Variants in RBFOX1 observed in about 807,000 individuals in gnomAD.
The protein encoded by RBFOX1 is RNA binding fox-1 homolog 1, also known as RNA binding protein fox-1 homolog 1.
In RBFOX1, 8 loss-of-function variants were observed where a neutral mutation model predicts 57.7. The ratio of observed to expected loss-of-function variants is 0.14; its 90% CI spans 0.08 to 0.25. The LOEUF (loss-of-function observed/expected upper bound fraction) is 0.25, where lower values mean the gene tolerates loss of function less well. Among genes scored for constraint, RBFOX1 ranks in the 10% least tolerant of loss-of-function variants. The pLI, the probability that RBFOX1 is intolerant of heterozygous loss-of-function variation, is 1.00. For missense variants in RBFOX1, 611 were observed against 548.5 expected (o/e 1.11, Z -1.14); for synonymous variants, 326 against 222.4 (o/e 1.47, Z -4.15).
chr16:7,167,246 A>G (rs2079758488), intron 4 of RBFOX1, among the ~76,000 whole-genome samples: 1 of 151,820 alleles, frequency 6.6e-6, no homozygotes, highest in Non-Finnish European at 1.5e-5. Context: ...TCTGCCTACC[A>G]AAGTGCTGGG....
intron 4 of RBFOX1, among the ~76,000 whole-genome samples, chr16:7,351,668 G>T (rs572063746): frequency 1.3e-5 from 2 of 151,594 alleles, no homozygotes; most frequent in South Asian, 2.1e-4. Context: ...TCTTTTTTTC[G>T]CTTCCTGGGT....
At chr16:7,348,628 A>G (rs1197124620) in intron 4 of RBFOX1, among the ~76,000 whole-genome samples, 1 of 152,202 alleles carries the variant, frequency 6.6e-6, no homozygotes, top group Non-Finnish European at 1.5e-5. Flanking sequence ...AAAGTAGCAA[A>G]ACAATCCTAT....
intron 2 of RBFOX1, among the ~76,000 whole-genome samples, chr16:6,589,622 G>T (rs1274415205): frequency 6.6e-6 from 1 of 152,208 alleles, no homozygotes; most frequent in Non-Finnish European, 1.5e-5. Context: ...AAATCTTGCA[G>T]CTCCTAGCTG....
At chr16:6,369,991 T>G (rs1454016839) in intron 2 of RBFOX1, among the ~76,000 whole-genome samples, 1 of 152,190 alleles carries the variant, frequency 6.6e-6, no homozygotes. Context: ...AGTTGTCAAG[T>G]CTCTTTAGTG....
intron 1 of RBFOX1, among the ~76,000 whole-genome samples, chr16:5,421,287 C>T (rs906498060): frequency 5.3e-5 from 8 of 152,020 alleles, no homozygotes; most frequent in Non-Finnish European, 1.2e-4. Context: ...GATTCCAGGC[C>T]TGAGCCACTG....
chr16:7,032,707 G>T (rs984491379), intron 3 of RBFOX1, among the ~76,000 whole-genome samples: 36 of 151,896 alleles, frequency 2.4e-4, no homozygotes, highest in African/African-American at 7.0e-4. Flanking sequence ...TCATTTTCAG[G>T]TAGTTTTATC....
At chr16:6,887,260 C>G (rs2064274674) in intron 3 of RBFOX1, among the ~76,000 whole-genome samples, 1 of 152,130 alleles carries the variant, frequency 6.6e-6, no homozygotes, top group Non-Finnish European at 1.5e-5. Context: ...ATTTTGAGAA[C>G]TGTGTTATCT....
At chr16:7,465,360 G>A (rs1416895322) in intron 4 of RBFOX1, among the ~76,000 whole-genome samples, 4 of 152,168 alleles carry the variant, frequency 2.6e-5, no homozygotes, top group African/African-American at 7.2e-5. Flanking sequence ...CGCCATAAGG[G>A]CGGAGACCTT....
At chr16:7,585,948 C>T (rs1012017941) in intron 6 of RBFOX1, among the ~76,000 whole-genome samples, 1 of 152,022 alleles carries the variant, frequency 6.6e-6, no homozygotes, top group African/African-American at 2.4e-5. Flanking sequence ...TGTCCGCTGC[C>T]ACACAGAAGC....
At chr16:6,169,897 T>C (rs1427393382) in intron 1 of RBFOX1, among the ~76,000 whole-genome samples, 3 of 152,276 alleles carry the variant, frequency 2.0e-5, no homozygotes, top group Middle Eastern at 3.4e-3. Context: ...CCCAAGTAGC[T>C]GGGATTACAG....
chr16:5,750,343 A>G (rs1351083923), intron 3 of RBFOX1, among the ~76,000 whole-genome samples: 2 of 152,210 alleles, frequency 1.3e-5, no homozygotes, highest in Non-Finnish European at 1.5e-5. Flanking sequence ...CAGACTGTCC[A>G]TTCTCAGATG....
chr16:5,617,033 C>A (rs2048048623), intron 3 of RBFOX1, among the ~76,000 whole-genome samples: 1 of 151,924 alleles, frequency 6.6e-6, no homozygotes, highest in African/African-American at 2.4e-5. Context: ...ATCATGAGTC[C>A]CAGCTGCGGT....
chr16:7,017,376 A>T (rs1438800415), intron 3 of RBFOX1, among the ~76,000 whole-genome samples: 1 of 152,162 alleles, frequency 6.6e-6, no homozygotes, highest in Non-Finnish European at 1.5e-5. Flanking sequence ...ACGGAGCTGA[A>T]ATTTATGGCT....
chr16:5,866,550 C>A (rs993442510), intron 3 of RBFOX1, among the ~76,000 whole-genome samples: 1 of 152,166 alleles, frequency 6.6e-6, no homozygotes, highest in African/African-American at 2.4e-5. Flanking sequence ...AGATAGGAGA[C>A]CCTTTCTAGG....
intron 4 of RBFOX1, among the ~76,000 whole-genome samples, chr16:5,927,705 T>C (rs1035139422): frequency 2.0e-5 from 3 of 152,252 alleles, no homozygotes; most frequent in Non-Finnish European, 2.9e-5. Flanking sequence ...GTAAGTGTCC[T>C]GCAACGGATG....
intron 4 of RBFOX1, among the ~76,000 whole-genome samples, chr16:7,262,393 C>T (rs929838027): frequency 6.6e-6 from 1 of 151,904 alleles, no homozygotes. Flanking sequence ...GCTGGGTGTA[C>T]CATTTCTGGA....
intron 4 of RBFOX1, among the ~76,000 whole-genome samples, chr16:5,971,131 T>C (rs112958573): frequency 1.3e-5 from 2 of 152,350 alleles, no homozygotes; most frequent in African/African-American, 4.8e-5. Context: ...AACACGTTTA[T>C]TGAGGATCTA....
intron 4 of RBFOX1, among the ~76,000 whole-genome samples, chr16:7,157,311 G>C (rs1178038464): frequency 6.6e-6 from 1 of 152,048 alleles, no homozygotes; most frequent in African/African-American, 2.4e-5. Context: ...GAATTCACAG[G>C]ACAAACTATC....
chr16:7,047,375 C>G (rs531549273), intron 3 of RBFOX1, among the ~76,000 whole-genome samples: 14 of 152,086 alleles, frequency 9.2e-5, no homozygotes, highest in African/African-American at 3.4e-4. Flanking sequence ...TTCTGCTGAC[C>G]TCTCTGGATT....
Sources: gnomAD v4.1 joint callset for allele counts (sites outside exome capture counted in the v4.1 genomes callset) on GRCh38, gnomAD v4.1.1 for gene constraint, MANE v1.5 for transcripts, NCBI Gene and HGNC (gene_info 2026-07-23, HGNC 2026-07-21) for gene names.